COMMD1: variants seen among roughly 807,000 people sequenced by gnomAD.
COMMD1 encodes the protein copper metabolism domain containing 1.
Under a neutral mutation model 17.2 loss-of-function variants are expected in COMMD1, and 10 were observed. That is an observed-to-expected ratio of 0.58 (90% confidence interval 0.36 to 0.99). The LOEUF (loss-of-function observed/expected upper bound fraction) is 0.99. Among genes scored for constraint, COMMD1 ranks in the 50% least tolerant of loss-of-function variants. COMMD1 has a pLI of 0.01. For missense variants in COMMD1, 270 were observed against 231.8 expected, an observed-to-expected ratio of 1.17 and a Z score of -1.07; for synonymous variants, 97 against 91.6, an observed-to-expected ratio of 1.06 and a Z score of -0.34.
chr2:62,065,865 A>G (rs1671024362), intron 2 of COMMD1, among the ~76,000 whole-genome samples: 1 of 152,220 alleles, frequency 6.6e-6, no homozygotes, highest in Non-Finnish European at 1.5e-5. Flanking sequence ...GATGATTTGA[A>G]TTGTTATGCA....
intron 2 of COMMD1, among the ~76,000 whole-genome samples, chr2:62,019,780 A>G (rs938541082): frequency 2.0e-5 from 3 of 152,186 alleles, no homozygotes; most frequent in African/African-American, 4.8e-5. Flanking sequence ...CTGAAAAGTT[A>G]CTATTTTTCT....
intron 2 of COMMD1, among the ~76,000 whole-genome samples, chr2:62,014,841 A>AG (rs1181424243): frequency 6.6e-6 from 1 of 151,964 alleles, no homozygotes; most frequent in Non-Finnish European, 1.5e-5. Flanking sequence ...CTGGGATTAC[A>AG]GGTGTGAGCC....
At position 62,030,590 on chromosome 2, in the gene COMMD1, T is replaced by A. The variant is rs114469893; in HGVS notation, c.462+29608T>A. 8.1e-3 allele frequency among the ~76,000 whole-genome samples: 1,227 copies of A among 152,308 alleles called. 20 individuals carry two copies. The highest frequency in any genetic ancestry group is 0.028 in the African/African-American group (1,160 of 41,558). On this transcript the variant is annotated intron_variant, in intron 2 of 2. Transcript: ENST00000311832. ...TTGGGAACTCTGCTAATCTAGAGGC[T>A]GATGAGATTCAGGTTCATTTTCTTG...
exon 1 of COMMD1, chr2:61,888,805 G>A (rs2105147657): frequency 2.2e-6 from 1 of 452,838 alleles, no homozygotes; most frequent in Non-Finnish European, 3.9e-6. Flanking sequence ...ACCTTTACGC[G>A]AGGCAGCAAT....
At chr2:61,892,664 A>G (rs1425814700) in intron 1 of COMMD1, among the ~76,000 whole-genome samples, 1 of 151,136 alleles carries the variant, frequency 6.6e-6, no homozygotes, top group Non-Finnish European at 1.5e-5. Flanking sequence ...ATTTCACTCC[A>G]GCCTGGGCAA....
At chr2:61,952,067 C>T (rs984509999) in intron 1 of COMMD1, among the ~76,000 whole-genome samples, 7 of 152,138 alleles carry the variant, frequency 4.6e-5, no homozygotes, top group South Asian at 2.1e-4. Flanking sequence ...AAAATTGTGA[C>T]GGTAAAAGAA....
chr2:61,970,469 C>G (rs1035539270), intron 1 of COMMD1, among the ~76,000 whole-genome samples: 3 of 151,982 alleles, frequency 2.0e-5, no homozygotes, highest in African/African-American at 7.3e-5. Flanking sequence ...CTCCCATATA[C>G]TTTAAATAAT....
At chr2:61,933,239 TC>T (rs890841004) in intron 1 of COMMD1, among the ~76,000 whole-genome samples, 1 of 151,818 alleles carries the variant, frequency 6.6e-6, no homozygotes, top group Non-Finnish European at 1.5e-5. Context: ...TCCACAATGC[TC>T]AGCCGCTTGT....
At chr2:62,030,254 T>C (rs1669878132) in intron 2 of COMMD1, among the ~76,000 whole-genome samples, 1 of 152,184 alleles carries the variant, frequency 6.6e-6, no homozygotes, top group African/African-American at 2.4e-5. Flanking sequence ...TGTTAGGCTT[T>C]CTGGTTGGTT....
chr2:62,066,360 A>G (rs1054664855), intron 2 of COMMD1, among the ~76,000 whole-genome samples: 2 of 152,272 alleles, frequency 1.3e-5, no homozygotes, highest in South Asian at 2.1e-4. Context: ...ACTCCCAGGG[A>G]AAAATGAGGG....
intron 1 of COMMD1, 141 bp downstream of exon 1, chr2:61,905,999 CG>C: frequency 2.5e-6 from 2 of 801,712 alleles, no homozygotes; most frequent in South Asian, 3.0e-5. Flanking sequence ...GGCTCCACAT[CG>C]GGCTCCTTCA....
intron 2 of COMMD1, among the ~76,000 whole-genome samples, chr2:62,110,167 TG>T (rs1672419159): frequency 6.6e-6 from 1 of 152,070 alleles, no homozygotes; most frequent in South Asian, 2.1e-4. Context: ...CTTGACCTCC[TG>T]GGGTTAGTCT....
At position 62,095,054 on chromosome 2, in the gene COMMD1, T is replaced by C. The variant is rs1671962449; in HGVS notation, c.463-40777T>C. ...TATCATTCTAGCCTTTCGGAACTAA[T>C]TTCCCCATACACATGTGCAATAATT... is the stretch of plus-strand genomic sequence containing the variant. On this transcript the variant is annotated intron_variant, in intron 2 of 2. Coordinates refer to ENST00000311832, the MANE Select transcript of COMMD1 (RefSeq NM_152516.4). Among the ~76,000 whole-genome samples, 2 of 152,230 alleles carry C rather than the reference T, an allele frequency of 1.3e-5. 1 individual carries two copies. Among genetic ancestry groups the C allele is most frequent in the Non-Finnish European group, 2.9e-5 (2 of 68,042 alleles).
rs1670282124 is a variant in COMMD1 at position 61,924,663 on chromosome 2, T to C, written c.180+18805T>C. Among the ~76,000 whole-genome samples, 3 of 152,180 alleles carry C rather than the reference T, an allele frequency of 2.0e-5. No individual in the cohort carries two copies. The South Asian group carries it at 6.2e-4, about 31-fold the overall frequency. ...TGAACATAAGGAATCTCAGACCATT[T>C]CCTATTGCGATGGCAAAAGTTGTAA... is the stretch of plus-strand genomic sequence containing the variant. On this transcript the variant is annotated intron_variant, in intron 1 of 2. Transcript: ENST00000311832.
intron 2 of COMMD1, among the ~76,000 whole-genome samples, chr2:62,014,016 C>T (rs1156615534): frequency 6.6e-6 from 1 of 152,106 alleles, no homozygotes; most frequent in South Asian, 2.1e-4. Flanking sequence ...AAAAGAAAAT[C>T]ATTGTTTCTT....
At chr2:61,998,770 C>T (rs557405747) in intron 1 of COMMD1, among the ~76,000 whole-genome samples, 10 of 152,220 alleles carry the variant, frequency 6.6e-5, no homozygotes, top group South Asian at 4.2e-4. Flanking sequence ...TACTTAGAGG[C>T]CATCGTAGGG....
At chr2:61,931,407 A>G (rs1670464824) in intron 1 of COMMD1, among the ~76,000 whole-genome samples, 2 of 152,172 alleles carry the variant, frequency 1.3e-5, no homozygotes, top group Admixed American at 1.3e-4. Context: ...TGGGTCTGGA[A>G]GTCCTTTGGA....
chr2:61,931,248 G>A (rs745567504), intron 1 of COMMD1, among the ~76,000 whole-genome samples: 3 of 152,120 alleles, frequency 2.0e-5, no homozygotes, highest in Non-Finnish European at 4.4e-5. Flanking sequence ...GGAGGTAGAG[G>A]TTGCAGTGAG....
chr2:61,918,348 A>G (rs1030258356), intron 1 of COMMD1, among the ~76,000 whole-genome samples: 4 of 152,244 alleles, frequency 2.6e-5, no homozygotes, highest in African/African-American at 7.2e-5. Flanking sequence ...CATGAGACAT[A>G]TTATTCATTC....
Sources: gnomAD v4.1 joint callset for allele counts (sites outside exome capture counted in the v4.1 genomes callset) on GRCh38, gnomAD v4.1.1 for gene constraint, MANE v1.5 for transcripts, NCBI Gene and HGNC (gene_info 2026-07-23, HGNC 2026-07-21) for gene names.